The following HSD17B12 variants were observed in gnomAD, a reference collection of about 807,000 sequenced individuals.
The protein encoded by HSD17B12 is hydroxysteroid 17-beta dehydrogenase 12.
Under a neutral mutation model 39.3 loss-of-function variants are expected in HSD17B12, and 32 were observed. The ratio of observed to expected loss-of-function variants is 0.81; its 90% confidence interval spans 0.61 to 1.09. The LOEUF (loss-of-function observed/expected upper bound fraction) is 1.09. Among genes scored for constraint, HSD17B12 ranks in the 50% least tolerant of loss-of-function variants. HSD17B12 has a pLI of 0.00. For synonymous variants in HSD17B12, 150 were observed against 146.7 expected, an observed-to-expected ratio of 1.02 and a Z score of -0.16; for missense variants, 342 against 382.9, an observed-to-expected ratio of 0.89 and a Z score of 0.89.
At chr11:43,758,047 C>T (rs1284529225) in intron 3 of HSD17B12, among the ~76,000 whole-genome samples, 1 of 152,150 alleles carries the variant, frequency 6.6e-6, no homozygotes, top group African/African-American at 2.4e-5. Context: ...TATGGCCCCC[C>T]AGTCTCATTA....
chr11:43,612,895 C>A, the HSD17B12 span, among the ~76,000 whole-genome samples: 1 of 152,134 alleles, frequency 6.6e-6, no homozygotes, highest in African/African-American at 2.4e-5. Flanking sequence ...TTGGCCATGT[C>A]TAGATCTGGA....
At chr11:43,629,687 T>C in the HSD17B12 span, among the ~76,000 whole-genome samples, 2 of 152,210 alleles carry the variant, frequency 1.3e-5, no homozygotes, top group African/African-American at 4.8e-5. Flanking sequence ...TTCCTGGTGA[T>C]TGCAGCTTCT....
At chr11:43,631,843 A>G in the HSD17B12 span, among the ~76,000 whole-genome samples, 1 of 152,062 alleles carries the variant, frequency 6.6e-6, no homozygotes, top group Non-Finnish European at 1.5e-5. Context: ...GGAGTTGGTC[A>G]TTTGTTCTGA....
chr11:43,619,258 ATTT>A, the HSD17B12 span, among the ~76,000 whole-genome samples: 1 of 82,542 alleles, frequency 1.2e-5, no homozygotes, highest in African/African-American at 4.1e-5. Context: ...ATATATATAT[ATTT>A]TATATATATA....
chr11:43,620,667 A>AC, the HSD17B12 span, among the ~76,000 whole-genome samples: 1 of 152,196 alleles, frequency 6.6e-6, no homozygotes, highest in South Asian at 2.1e-4. Context: ...TCTTGACAGC[A>AC]CCCCATTGAA....
the HSD17B12 span, among the ~76,000 whole-genome samples, chr11:43,588,668 C>A: frequency 6.8e-6 from 1 of 146,996 alleles, no homozygotes; most frequent in African/African-American, 2.5e-5. Context: ...ACACACATAG[C>A]AATGTCATAC....
At chr11:43,562,029 A>G in the HSD17B12 span, among the ~76,000 whole-genome samples, 1 of 152,216 alleles carries the variant, frequency 6.6e-6, no homozygotes, top group Non-Finnish European at 1.5e-5. Context: ...CTCTTGGGCA[A>G]ATTATTTCGC....
chr11:43,657,801 G>A, the HSD17B12 span, among the ~76,000 whole-genome samples: 1 of 152,178 alleles, frequency 6.6e-6, no homozygotes, highest in Non-Finnish European at 1.5e-5. Context: ...CCCTTTGTGG[G>A]TAACCCGACC....
At chr11:43,854,986 A>G (rs1281556628) in intron 10 of HSD17B12, 122 bp downstream of exon 10, 4 of 1,142,698 alleles carry the variant, frequency 3.5e-6, no homozygotes, top group Non-Finnish European at 4.9e-6. Flanking sequence ...GTAACAAGAT[A>G]TCTATATCTT....
At chr11:43,810,761 C>CATAG (rs966642874) in intron 4 of HSD17B12, among the ~76,000 whole-genome samples, 22 of 152,212 alleles carry the variant, frequency 1.4e-4, no homozygotes, top group African/African-American at 4.8e-4. Context: ...TCCATGATGA[C>CATAG]ATAGATATCT....
At chr11:43,593,332 T>A in the HSD17B12 span, among the ~76,000 whole-genome samples, 7 of 152,190 alleles carry the variant, frequency 4.6e-5, no homozygotes, top group African/African-American at 1.7e-4. Context: ...AAACTAAATA[T>A]TGACAATATT....
Position 43,855,243 on chromosome 11 carries a change from A to T in HSD17B12, c.934A>T (p.Asn312Tyr), listed in dbSNP as rs762218899. 2 of 1,595,670 alleles carry T rather than the reference A, an allele frequency of 1.3e-6. No individual in the cohort carries two copies. The highest frequency in any genetic ancestry group is 1.7e-6 in the Non-Finnish European group (2 of 1,167,422). The change falls in exon 11 of 11, where the codon AAC becomes TAC. Residue 312 changes from asparagine to tyrosine, a missense_variant. By Grantham distance (143) the Asn-to-Tyr change is moderately radical (BLOSUM62 -2). Coordinates refer to ENST00000278353, the MANE Select transcript of HSD17B12 (RefSeq NM_016142.3). ...RAHYLKKTKK[N>Y] ...TCACTATCTGAAGAAAACCAAGAAG[A>T]ACTAAGCATTGATAACTGCATTGTA...
intron 9 of HSD17B12, among the ~76,000 whole-genome samples, chr11:43,840,992 T>C (rs1235623230): frequency 6.6e-6 from 1 of 152,202 alleles, no homozygotes; most frequent in African/African-American, 2.4e-5. Flanking sequence ...CCACTGGCAG[T>C]GTGCAGAGTT....
intron 1 of HSD17B12, among the ~76,000 whole-genome samples, chr11:43,724,414 C>T (rs1299031400): frequency 2.0e-5 from 3 of 151,986 alleles, no homozygotes; most frequent in African/African-American, 7.3e-5. Flanking sequence ...CATAGAGCAC[C>T]AATTATTTAA....
chr11:43,751,620 CT>C (rs1950465666), intron 2 of HSD17B12, among the ~76,000 whole-genome samples: 7 of 152,122 alleles, frequency 4.6e-5, no homozygotes, highest in Admixed American at 2.6e-4. Context: ...CTCAAAAGGT[CT>C]TTTTGTTAAT....
chr11:43,806,323 G>T (rs998997129), intron 4 of HSD17B12: 4 of 152,102 alleles, frequency 2.6e-5, no homozygotes, highest in African/African-American at 7.2e-5. Flanking sequence ...GGGTCATCTT[G>T]ATTCCACTAC....
intron 6 of HSD17B12, among the ~76,000 whole-genome samples, chr11:43,817,574 A>G (rs1951142450): frequency 6.6e-6 from 1 of 152,112 alleles, no homozygotes; most frequent in African/African-American, 2.4e-5. Flanking sequence ...TGGCTTGCCA[A>G]TTATCCCAGC....
Position 43,722,983 on chromosome 11 carries a change from C to T in HSD17B12, c.161-27928C>T, listed in dbSNP as rs1842707425. ...TGCTGTGCCGTGAATAGACTAGTGG[C>T]CACAGGTGGAAGCAGAATGGTCATT... On this transcript the variant is annotated intron_variant, in intron 1 of 10. Transcript: ENST00000278353. Among the ~76,000 whole-genome samples, 4 of 152,074 alleles carry T rather than the reference C, an allele frequency of 2.6e-5. No individual in the cohort carries two copies. The South Asian group carries it at 8.3e-4, about 32-fold the overall frequency.
At position 43,736,449 on chromosome 11, in the gene HSD17B12, A is replaced by G. The variant is rs565252597; in HGVS notation, c.161-14462A>G. On this transcript the variant is annotated intron_variant, in intron 1 of 10. Coordinates refer to ENST00000278353, the MANE Select transcript of HSD17B12 (RefSeq NM_016142.3). ...TAAAGAGTCGAAGAGAGGGCTGCTC[A>G]GTGGGGAACCTGAAAGGACTGAGTG... Among the ~76,000 whole-genome samples, 6 of 152,274 alleles carry G rather than the reference A, an allele frequency of 3.9e-5. No homozygotes were observed. In the East Asian group the frequency reaches 1.2e-3, roughly 29 times the overall value.
Sources: allele counts gnomAD v4.1 joint callset (sites outside exome capture counted in the v4.1 genomes callset), GRCh38; gene constraint gnomAD v4.1.1; transcripts MANE v1.5; gene names NCBI Gene and HGNC (gene_info 2026-07-23, HGNC 2026-07-21).